Variants in OGDH observed in about 807,000 individuals in gnomAD.
OGDH encodes the protein 2-oxoglutarate dehydrogenase complex component E1.
OGDH carries 38 observed loss-of-function variants against 116.6 expected under a neutral mutation model. The ratio of observed to expected loss-of-function variants is 0.33; its 90% CI spans 0.25 to 0.43. OGDH has a LOEUF of 0.43. Ranked by LOEUF, OGDH falls within the 20% of genes least tolerant of loss-of-function variation. The pLI, the probability that OGDH is intolerant of heterozygous loss-of-function variation, is 1.00. For missense variants in OGDH, 825 were observed against 1,357.2 expected (o/e 0.61, Z 6.16); for synonymous variants, 488 against 533.3 (o/e 0.92, Z 1.17).
Position 44,624,325 on chromosome 7 carries a change from GA to G in OGDH, c.-14del. Reference sequence around the variant, plus strand: ...TTTTTTTTTTTGTACAGGCAGTTGTGAAAAACTTCAGGACAAAAATGTTTCA... The same window carrying G: ...TTTTTTTTTTTGTACAGGCAGTTGTGAAAACTTCAGGACAAAAATGTTTCA... On this transcript the variant is annotated 5_prime_UTR_variant, in exon 2 of 23. Transcript: ENST00000222673. 1 of 621,158 alleles carries G rather than the reference GA, an allele frequency of 1.6e-6. No homozygotes were observed. Among genetic ancestry groups the G allele is most frequent in the Non-Finnish European group, 2.7e-6 (1 of 375,472 alleles). The allele number at this position is 621,158 out of a possible 1,614,324, so 38.5% of individuals were successfully genotyped here.
chr7:44,625,614 T>C (rs1179837934), intron 2 of OGDH, among the ~76,000 whole-genome samples: 2 of 152,214 alleles, frequency 1.3e-5, no homozygotes, highest in Non-Finnish European at 2.9e-5. Flanking sequence ...CTGTAGGTGG[T>C]TGAGAGAATG....
At chr7:44,629,665 C>T (rs1028073376) in intron 2 of OGDH, among the ~76,000 whole-genome samples, 8 of 150,032 alleles carry the variant, frequency 5.3e-5, no homozygotes, top group Admixed American at 2.0e-4. Flanking sequence ...CTGCAACTTC[C>T]GCTTCCTGGG....
chr7:44,690,661 T>C (rs1788327417), intron 10 of OGDH, among the ~76,000 whole-genome samples: 1 of 152,180 alleles, frequency 6.6e-6, no homozygotes, highest in African/African-American at 2.4e-5. Flanking sequence ...ATCCTGCTGG[T>C]AGAGTGCACC....
chr7:44,702,662 G>A (rs925884059), intron 20 of OGDH, among the ~76,000 whole-genome samples: 8 of 151,920 alleles, frequency 5.3e-5, no homozygotes, highest in Non-Finnish European at 7.4e-5. Flanking sequence ...GCACAATCTC[G>A]ACTCACTGCA....
At chr7:44,622,115 G>A (rs544252303) in intron 1 of OGDH, among the ~76,000 whole-genome samples, 57 of 151,956 alleles carry the variant, frequency 3.8e-4, no homozygotes, top group Non-Finnish European at 5.6e-4. Flanking sequence ...TTTTCTGGGA[G>A]AAAACCCAAC....
chr7:44,632,344 G>C (rs1785476985), intron 2 of OGDH, among the ~76,000 whole-genome samples: 1 of 152,106 alleles, frequency 6.6e-6, no homozygotes, highest in Non-Finnish European at 1.5e-5. Context: ...CCATACTGGA[G>C]TGCAGTGGCA....
intron 5 of OGDH, among the ~76,000 whole-genome samples, chr7:44,668,211 G>A (rs1286974419): frequency 6.6e-6 from 1 of 152,158 alleles, no homozygotes; most frequent in Non-Finnish European, 1.5e-5. Context: ...GGCCGAGACA[G>A]GTGGATCATA....
Position 44,696,897 on chromosome 7 carries a change from G to A in OGDH, c.1901-17G>A, listed in dbSNP as rs1270678754. On this transcript the variant is annotated splice_polypyrimidine_tract_variant and intron_variant, in intron 14 of 22. Coordinates refer to ENST00000222673, the MANE Select transcript of OGDH (RefSeq NM_002541.4). ...AGGCAGGGCCTGCAGCAGCTGGTGA[G>A]AGCTGTGTCTCTGCAGGGCTGAGCC... 1.9e-6 allele frequency: 3 copies of A among 1,595,884 alleles called. No homozygotes were observed. Among genetic ancestry groups the A allele is most frequent in the Middle Eastern group, 1.7e-4 (1 of 6,048 alleles).
rs79375381 is a variant in OGDH at position 44,649,633 on chromosome 7, G to A, written c.517+1874G>A. 8.4e-3 allele frequency among the ~76,000 whole-genome samples: 1,274 copies of A among 152,218 alleles called. 19 individuals carry two copies. The highest frequency in any genetic ancestry group is 0.029 in the African/African-American group (1,223 of 41,514). On this transcript the variant is annotated intron_variant, in intron 4 of 22. Coordinates refer to ENST00000222673, the MANE Select transcript of OGDH (RefSeq NM_002541.4). ...CCAGCTCTTTGTCCCAACTGTGCAC[G>A]TTAGTATAACCAGGGGAGCTCTAAA...
chr7:44,701,624 G>A lies in OGDH; in HGVS notation c.2632+9G>A, dbSNP rs1252554763. The A allele has an allele frequency of 6.2e-7, 1 of 1,613,742 alleles. No individual in the cohort carries two copies. ...TGATGAGATGCTTCCAGGTGGGTGTGAGGGAGATGGGCATTTCCTTGGGGG... is the reference window on the plus strand; with the variant it reads ...TGATGAGATGCTTCCAGGTGGGTGTAAGGGAGATGGGCATTTCCTTGGGGG... On this transcript the variant is annotated intron_variant, in intron 20 of 22. Transcript: ENST00000222673.
intron 4 of OGDH, 157 bp from the exon 5 acceptor site, chr7:44,666,579 T>C (rs1787192976): frequency 5.1e-6 from 2 of 391,844 alleles, no homozygotes; most frequent in African/African-American, 2.1e-5. Context: ...CTGTAAAATA[T>C]TACTTATTTC....
At chr7:44,656,382 T>C (rs1047040119) in intron 4 of OGDH, 26 of 1,535,186 alleles carry the variant, frequency 1.7e-5, no homozygotes, top group Non-Finnish European at 2.0e-5. Context: ...TAATGAGCTT[T>C]TCACCTTTTC....
At position 44,617,114 on chromosome 7, in the gene OGDH, G is replaced by A. The variant is rs184546376; in HGVS notation, c.-27-7203G>A. Among the ~76,000 whole-genome samples the A allele has an allele frequency of 1.3e-3, 200 of 151,348 alleles. 1 individual carries two copies. The highest frequency in any genetic ancestry group is 4.7e-3 in the African/African-American group (193 of 41,316). On this transcript the variant is annotated intron_variant, in intron 1 of 22. Transcript: ENST00000222673. The stretch of plus-strand genomic sequence containing the variant: ...CACAGCTAATTTTTTTGTAGTTTTA[G>A]TAGAGGCGGGGTTTCAGCATGTTGG...
chr7:44,628,296 TTC>T (rs921438873), intron 2 of OGDH, among the ~76,000 whole-genome samples: 1 of 152,230 alleles, frequency 6.6e-6, no homozygotes, highest in African/African-American at 2.4e-5. Flanking sequence ...ATAGAATTTT[TTC>T]TCAGTCCATG....
chr7:44,634,747 G>C (rs1375814737), intron 2 of OGDH, among the ~76,000 whole-genome samples: 1 of 152,228 alleles, frequency 6.6e-6, no homozygotes, highest in East Asian at 1.9e-4. Flanking sequence ...TTCATAGGCA[G>C]AATGGTGGTA....
intron 5 of OGDH, among the ~76,000 whole-genome samples, chr7:44,671,797 C>T (rs554519522): frequency 2.1e-5 from 3 of 145,662 alleles, no homozygotes; most frequent in Non-Finnish European, 4.5e-5. Flanking sequence ...ATGCCAGACG[C>T]GGTGGCTCAC....
intron 4 of OGDH, among the ~76,000 whole-genome samples, chr7:44,663,706 G>A (rs1224908626): frequency 1.3e-5 from 2 of 152,152 alleles, no homozygotes; most frequent in African/African-American, 4.8e-5. Context: ...CCCGAGAGGC[G>A]GAAGTTGCAG....
intron 1 of OGDH, among the ~76,000 whole-genome samples, chr7:44,616,044 A>C (rs1656081013): frequency 6.6e-6 from 1 of 151,930 alleles, no homozygotes; most frequent in African/African-American, 2.4e-5. Flanking sequence ...AAAAAAAAAA[A>C]AACCTCAATG....
At chr7:44,639,147 C>T (rs1006247396) in intron 2 of OGDH, among the ~76,000 whole-genome samples, 1 of 152,118 alleles carries the variant, frequency 6.6e-6, no homozygotes, top group Admixed American at 6.6e-5. Context: ...TCTGCAGGTC[C>T]CCTGGAACCT....
Sources: allele counts gnomAD v4.1 joint callset (sites outside exome capture counted in the v4.1 genomes callset), GRCh38; gene constraint gnomAD v4.1.1; transcripts MANE v1.5; gene names NCBI Gene and HGNC (gene_info 2026-07-23, HGNC 2026-07-21).